Variants in PCSK5 observed in about 807,000 individuals in gnomAD.
PCSK5 encodes the protein proprotein convertase subtilisin/kexin type 5.
In PCSK5, 129 loss-of-function variants were observed where a neutral mutation model predicts 233.2. The observed-to-expected ratio is 0.55, with a 90% CI of 0.48 to 0.64. PCSK5 has a LOEUF of 0.64. Among genes scored for constraint, PCSK5 ranks in the 30% least tolerant of loss-of-function variants. The probability of loss-of-function intolerance (pLI) is 0.00; values close to 1 mark genes in which losing one functional copy is unlikely to be tolerated. For missense variants in PCSK5, 2,076 were observed against 2,430.1 expected, an observed-to-expected ratio of 0.85 and a Z score of 3.06; for synonymous variants, 825 against 879.2, an observed-to-expected ratio of 0.94 and a Z score of 1.09.
At chr9:76,043,604 C>T (rs1829229615) in intron 5 of PCSK5, among the ~76,000 whole-genome samples, 1 of 152,016 alleles carries the variant, frequency 6.6e-6, no homozygotes, top group African/African-American at 2.4e-5. Flanking sequence ...GTGGTATAAG[C>T]TTTACAAAAT....
chr9:75,962,120 A>T (rs1262576424), intron 2 of PCSK5, among the ~76,000 whole-genome samples: 2 of 29,378 alleles, frequency 6.8e-5, no homozygotes, highest in African/African-American at 3.4e-4. Flanking sequence ...GTGGTGCTCA[A>T]GTAACTGGGG....
chr9:76,297,636 T>C (rs1828482015), intron 27 of PCSK5, among the ~76,000 whole-genome samples: 1 of 152,166 alleles, frequency 6.6e-6, no homozygotes, highest in African/African-American at 2.4e-5. Flanking sequence ...AACAAAATCC[T>C]CTTCCTGTTG....
At chr9:76,206,975 T>A (rs1213777067) in intron 20 of PCSK5, among the ~76,000 whole-genome samples, 1 of 152,142 alleles carries the variant, frequency 6.6e-6, no homozygotes, top group East Asian at 1.9e-4. Context: ...TCTTGTTTTT[T>A]TCAGCTTCTA....
intron 20 of PCSK5, among the ~76,000 whole-genome samples, chr9:76,216,669 G>A (rs1424128936): frequency 6.6e-6 from 1 of 152,170 alleles, no homozygotes; most frequent in Middle Eastern, 3.2e-3. Context: ...TCAAAGGGAA[G>A]GGGGCTGCCA....
chr9:76,194,721 T>C (rs564774325), intron 20 of PCSK5: 6 of 458,796 alleles, frequency 1.3e-5, no homozygotes, highest in Admixed American at 2.4e-5. Context: ...AACGATGAAA[T>C]CTTATAGATC....
chr9:76,224,111 C>A (rs919837322), intron 20 of PCSK5, among the ~76,000 whole-genome samples: 1 of 152,120 alleles, frequency 6.6e-6, no homozygotes, highest in Non-Finnish European at 1.5e-5. Flanking sequence ...GCTTCAAGGT[C>A]ATGAAGTTTT....
At chr9:75,966,669 G>A (rs143958452) in intron 2 of PCSK5, among the ~76,000 whole-genome samples, 2 of 152,274 alleles carry the variant, frequency 1.3e-5, no homozygotes, top group East Asian at 1.9e-4. Flanking sequence ...TGACAATTTT[G>A]TAGGAAGGGT....
At chr9:76,273,572 TATAC>T (rs1554715303) in intron 24 of PCSK5, among the ~76,000 whole-genome samples, 11,330 of 71,662 alleles carry the variant, frequency 0.16, 766 homozygotes, top group Admixed American at 0.32. Flanking sequence ...GTAATATATA[TATAC>T]ATATATATAT....
intron 3 of PCSK5, among the ~76,000 whole-genome samples, chr9:75,997,686 A>T (rs1374195717): frequency 6.6e-6 from 1 of 152,192 alleles, no homozygotes; most frequent in Non-Finnish European, 1.5e-5. Context: ...CAGAGGTGTT[A>T]TTTTTTGATG....
At chr9:76,205,457 A>T (rs987647852) in intron 20 of PCSK5, among the ~76,000 whole-genome samples, 3 of 152,156 alleles carry the variant, frequency 2.0e-5, no homozygotes, top group Non-Finnish European at 4.4e-5. Context: ...AAGCTCACAA[A>T]TTCTTTATGA....
chr9:76,233,615 T>G lies in PCSK5; in HGVS notation c.2866+19T>G, dbSNP rs774686459. On this transcript the variant is annotated intron_variant, in intron 22 of 37. Transcript: ENST00000674117. ...GGAGCAGGTGAGAGACTGCTGCTCC[T>G]CCGTCTTCTGCACCCCAAACCTGTT... The G allele has an allele frequency of 6.2e-7, 1 of 1,604,542 alleles. No individual in the cohort carries two copies. Among genetic ancestry groups the G allele is most frequent in the South Asian group, 1.1e-5 (1 of 90,878 alleles).
At chr9:76,165,588 G>A (rs191887449) in intron 12 of PCSK5, among the ~76,000 whole-genome samples, 18 of 152,288 alleles carry the variant, frequency 1.2e-4, no homozygotes, top group Middle Eastern at 3.4e-3. Context: ...GCAGGGATAG[G>A]GCTGTGGGGC....
intron 2 of PCSK5, among the ~76,000 whole-genome samples, chr9:75,943,860 A>T (rs1036438687): frequency 6.6e-6 from 1 of 152,172 alleles, no homozygotes; most frequent in Non-Finnish European, 1.5e-5. Context: ...GTAAGAAATG[A>T]TCCCCAAAAT....
intron 24 of PCSK5, among the ~76,000 whole-genome samples, chr9:76,285,897 C>T (rs1047599523): frequency 6.6e-5 from 10 of 151,644 alleles, no homozygotes; most frequent in East Asian, 1.9e-4. Flanking sequence ...ATTTCATTTT[C>T]GTCTTTTTTA....
At chr9:76,064,419 C>G (rs1451134039) in intron 5 of PCSK5, among the ~76,000 whole-genome samples, 1 of 126,790 alleles carries the variant, frequency 7.9e-6, no homozygotes, top group Admixed American at 7.3e-5. Context: ...CTGACCCCCC[C>G]ACCTCCCTCC....
chr9:76,008,137 T>A (rs1827563232), intron 3 of PCSK5, among the ~76,000 whole-genome samples: 1 of 152,146 alleles, frequency 6.6e-6, no homozygotes, highest in African/African-American at 2.4e-5. Context: ...TCACCATTAC[T>A]GGGCTTCTGC....
chr9:76,323,524 T>C (rs766857067), intron 32 of PCSK5, among the ~76,000 whole-genome samples: 12 of 152,000 alleles, frequency 7.9e-5, no homozygotes, highest in Non-Finnish European at 1.2e-4. Flanking sequence ...GCTGGGAACA[T>C]AGAGATGAGG....
chr9:76,194,738 C>T (rs1243349095), intron 20 of PCSK5: 4 of 464,362 alleles, frequency 8.6e-6, no homozygotes, highest in Middle Eastern at 6.5e-4. Flanking sequence ...GATCTTTTGA[C>T]AGTTTCTCTG....
intron 2 of PCSK5, among the ~76,000 whole-genome samples, chr9:75,944,408 G>A (rs1402086449): frequency 1.3e-5 from 2 of 151,920 alleles, no homozygotes; most frequent in African/African-American, 4.8e-5. Flanking sequence ...TTTTAAAAAC[G>A]ATAGTAAAAT....
Sources: allele counts gnomAD v4.1 joint callset (sites outside exome capture counted in the v4.1 genomes callset), GRCh38; gene constraint gnomAD v4.1.1; transcripts MANE v1.5; gene names NCBI Gene and HGNC (gene_info 2026-07-23, HGNC 2026-07-21).